Variants in ABCG4 observed in about 807,000 individuals in gnomAD.
ABCG4 encodes ATP-binding cassette sub-family G member 4.
In ABCG4, 35 loss-of-function variants were observed where a neutral mutation model predicts 64.6. That is an observed-to-expected ratio of 0.54 (90% CI 0.41 to 0.72). The LOEUF (loss-of-function observed/expected upper bound fraction) is 0.72, where lower values mean the gene tolerates loss of function less well. Ranked by LOEUF, ABCG4 falls within the 30% of genes least tolerant of loss-of-function variation. ABCG4 has a pLI of 0.00. For synonymous variants in ABCG4, 326 were observed against 348.2 expected, an observed-to-expected ratio of 0.94 and a Z score of 0.71; for missense variants, 610 against 846.3, an observed-to-expected ratio of 0.72 and a Z score of 3.46.
At position 119,160,782 on chromosome 11, in the gene ABCG4, C is replaced by T; in HGVS notation, c.1716-99C>T. The T allele has an allele frequency of 1.3e-6, 2 of 1,487,806 alleles. No individual in the cohort carries two copies. The highest frequency in any genetic ancestry group is 2.4e-5 in the South Asian group (2 of 84,434). 92.2% of individuals were successfully genotyped at this position (1,487,806 alleles called of 1,614,324 possible). On this transcript the variant is annotated intron_variant, in intron 14 of 14. Transcript: ENST00000619701. This position sits in a 1 kb window ranked among gnomAD's most constrained non-coding sequence, Gnocchi z 4.6. ...CCTTTGGGCAGGGGCACCCTGGCTG[C>T]ACCCCAGGGATGACAGCATTGCAGC...
chr11:119,155,466 C>T lies in ABCG4; in HGVS notation c.686+551C>T, dbSNP rs572735767. On this transcript the variant is annotated intron_variant, in intron 6 of 14. Coordinates refer to ENST00000619701, the MANE Select transcript of ABCG4 (RefSeq NM_022169.5). The surrounding 1 kb of genome is among the most constrained non-coding windows in gnomAD (Gnocchi z 4.5). Reference sequence around the variant, plus strand: ...CCTCTTGAGTAGCTGGAATTACAGGCGTGTACCACCACACCCAGCTAGTTT... The same window carrying T: ...CCTCTTGAGTAGCTGGAATTACAGGTGTGTACCACCACACCCAGCTAGTTT... Among the ~76,000 whole-genome samples, 2 of 152,160 alleles carry T rather than the reference C, an allele frequency of 1.3e-5. No homozygotes were observed. Among genetic ancestry groups the T allele is most frequent in the African/African-American group, 2.4e-5 (1 of 41,448 alleles).
Position 119,161,086 on chromosome 11 carries a change from C to T in ABCG4, c.1921C>T (p.Arg641Trp), listed in dbSNP as rs1211180265. 14 of 1,613,626 alleles carry T rather than the reference C, an allele frequency of 8.7e-6. No individual in the cohort carries two copies. In the East Asian group the frequency reaches 8.9e-5, roughly 10 times the overall value. Residue 641 changes from arginine to tryptophan, a missense_variant, in exon 15 of 15, where the codon CGG becomes TGG. By Grantham distance (101) the Arg-to-Trp change is moderately radical (BLOSUM62 -3). Coordinates refer to ENST00000619701, the MANE Select transcript of ABCG4 (RefSeq NM_022169.5). The stretch of plus-strand genomic sequence containing the variant: ...GCTGGCCTACCTTGTGCTGCGTTAC[C>T]GGGTCAAGTCAGAGAGATAGAGGCT... ...RLLAYLVLRY[R>W]VKSER is the part of the protein sequence containing the mutation.
chr11:119,160,273 G>C lies in ABCG4; in HGVS notation c.1484G>C (p.Gly495Ala). The change falls in exon 13 of 15, where the codon GGC (glycine) becomes GCC (alanine). Residue 495 changes from glycine to alanine, a missense_variant. Physicochemically the swap from Gly to Ala is moderately conservative, Grantham distance 60 (BLOSUM62 0). Coordinates refer to ENST00000619701, the MANE Select transcript of ABCG4 (RefSeq NM_022169.5). This position sits in a 1 kb window ranked among gnomAD's most constrained non-coding sequence, Gnocchi z 4.6. ...VYCSIVYWMT[G>A]QPAETSRFLL... ...TGCAGCATTGTGTACTGGATGACGG[G>C]CCAGCCCGCTGAGACCAGCCGCTTC... The C allele has an allele frequency of 6.2e-7, 1 of 1,613,668 alleles. No homozygotes were observed. The highest frequency in any genetic ancestry group is 8.5e-7 in the Non-Finnish European group (1 of 1,179,776).
rs1592309973 is a variant in ABCG4 at position 119,160,820 on chromosome 11, G to A, written c.1716-61G>A. On this transcript the variant is annotated intron_variant, in intron 14 of 14. Transcript: ENST00000619701. This position sits in a 1 kb window ranked among gnomAD's most constrained non-coding sequence, Gnocchi z 4.6. ...ACAGCATTGCAGCTGGGCTCTGGCA[G>A]TTTTCTCAGAGAGCAGGGACCCTGT... 1 of 1,566,852 alleles carries A rather than the reference G, an allele frequency of 6.4e-7. No homozygotes were observed. The highest frequency in any genetic ancestry group is 8.7e-7 in the Non-Finnish European group (1 of 1,144,328).
At position 119,156,804 on chromosome 11, in the gene ABCG4, G is replaced by A; in HGVS notation, c.926-68G>A. 1 of 1,591,630 alleles carries A rather than the reference G, an allele frequency of 6.3e-7. No homozygotes were observed. Among genetic ancestry groups the A allele is most frequent in the Non-Finnish European group, 8.6e-7 (1 of 1,165,212 alleles). Reference sequence around the variant, plus strand: ...TCGCCTGCCTTCCCCACACACCCAAGGCGGGACTGACTTGCCCTTGGGAAG... The same window carrying A: ...TCGCCTGCCTTCCCCACACACCCAAAGCGGGACTGACTTGCCCTTGGGAAG... On this transcript the variant is annotated intron_variant, in intron 8 of 14. Transcript: ENST00000619701. This position sits in a 1 kb window ranked among gnomAD's most constrained non-coding sequence, Gnocchi z 5.5.
Position 119,155,995 on chromosome 11 carries a change from C to G in ABCG4, c.687-334C>G. The G allele has an allele frequency of 1.1e-5, 3 of 285,126 alleles. 1 individual carries two copies. The highest frequency in any genetic ancestry group is 1.4e-5 in the Non-Finnish European group (2 of 146,600). The allele number at this position is 285,126 out of a possible 1,614,324, so 17.7% of individuals were successfully genotyped here. A position where few individuals can be genotyped will look rare whatever the true frequency, so the allele number is the denominator to read the frequency against. On this transcript the variant is annotated intron_variant, in intron 6 of 14. Coordinates refer to ENST00000619701, the MANE Select transcript of ABCG4 (RefSeq NM_022169.5). The surrounding 1 kb of genome is among the most constrained non-coding windows in gnomAD (Gnocchi z 4.5). ...GAGCTGAATCCGCCCCCTCTTTCAC[C>G]CAGTGTTGCTACAGCACTTTCCACA...
rs1948170980 is a variant in ABCG4, at chr11:119,149,984, G to C, written c.19G>C (p.Glu7Gln). ...CGGCGTGATGGCGGAGAAGGCGCTG[G>C]AGGCCGTGGGCTGTGGACTAGGGCC... is the stretch of plus-strand genomic sequence containing the variant. MAEKAL[E>Q]AVGCGLGPGA... The change falls in exon 2 of 15, where the codon GAG becomes CAG. Residue 7 changes from glutamate (E) to glutamine (Q), a missense_variant. Coordinates refer to ENST00000619701, the MANE Select transcript of ABCG4 (RefSeq NM_022169.5). This position sits in a 1 kb window ranked among gnomAD's most constrained non-coding sequence, Gnocchi z 8.3. The C allele has an allele frequency of 6.2e-7, 1 of 1,608,402 alleles. No individual in the cohort carries two copies. Among genetic ancestry groups the C allele is most frequent in the Non-Finnish European group, 8.5e-7 (1 of 1,179,776 alleles).
rs1282518126 is a variant in ABCG4 at position 119,158,153 on chromosome 11, G to A, written c.1069-81G>A. On this transcript the variant is annotated intron_variant, in intron 9 of 14. Coordinates refer to ENST00000619701, the MANE Select transcript of ABCG4 (RefSeq NM_022169.5). This position sits in a 1 kb window ranked among gnomAD's most constrained non-coding sequence, Gnocchi z 4.5. ...CCCCTACCCTGGGGAAGAGCTCTGA[G>A]GTTTTTCATTCACTGAGCTGGGTGT... The A allele has an allele frequency of 1.7e-6, 2 of 1,182,406 alleles. No homozygotes were observed. The highest frequency in any genetic ancestry group is 3.1e-5 in the African/African-American group (2 of 65,038). 73.2% of individuals were successfully genotyped at this position (1,182,406 alleles called of 1,614,324 possible).
In ABCG4 at chr11:119,158,331, C is replaced by A; in HGVS notation, c.1166C>A (p.Thr389Lys). ...KRTFLSILRDTVLTHLRFMSH... is the reference protein window; with the variant it reads ...KRTFLSILRDKVLTHLRFMSH... ...ACCTTCCTGTCCATCCTCAGGGACA[C>A]GGTGAGGCGTCAGGCTGGGGGAGAG... Residue 389 changes from threonine to lysine, a missense_variant and splice_region_variant, in exon 10 of 15, where the codon ACG becomes AAG. Coordinates refer to ENST00000619701, the MANE Select transcript of ABCG4 (RefSeq NM_022169.5). This position sits in a 1 kb window ranked among gnomAD's most constrained non-coding sequence, Gnocchi z 4.5. 1 of 1,613,896 alleles carries A rather than the reference C, an allele frequency of 6.2e-7. No homozygotes were observed.
intron 2 of ABCG4, chr11:119,153,535 CCCCCAAGGAG>C (rs1278157296): frequency 1.2e-5 from 2 of 161,800 alleles, no homozygotes; most frequent in Non-Finnish European, 2.7e-5. Context: ...GTGAGAACTG[CCCCCAAGGAG>C]CTCACTGACT....
rs1479926357 is a variant in ABCG4, at chr11:119,160,926, A to G, written c.1761A>G (p.Arg587=). The change falls in exon 15 of 15, where the codon CGA becomes CGG. Residue 587 remains arginine, a synonymous_variant. Transcript: ENST00000619701. The surrounding 1 kb of genome is among the most constrained non-coding windows in gnomAD (Gnocchi z 4.6). Reference sequence around the variant, plus strand: ...TCCTGACGATCTATGGCATGGAGCGAGGAGACCTGACATGTTTAGAGGAAC... The same window carrying G: ...TCCTGACGATCTATGGCATGGAGCGGGGAGACCTGACATGTTTAGAGGAAC... ...GVILTIYGME[R]GDLTCLEERC... is the part of the protein sequence containing the mutation. 1 of 1,613,948 alleles carries G rather than the reference A, an allele frequency of 6.2e-7. No homozygotes were observed. Among genetic ancestry groups the G allele is most frequent in the South Asian group, 1.1e-5 (1 of 91,088 alleles).
In ABCG4 at chr11:119,150,221, AG is replaced by A. The variant is rs775769925; in HGVS notation, c.238+23del. ...CAAAAGGGGTAGGGAACAGCCTGGT[AG>A]GGGGAGTCCGTGGGCCCTCTCTGAG... is the stretch of plus-strand genomic sequence containing the variant. On this transcript the variant is annotated intron_variant, in intron 2 of 14. Transcript: ENST00000619701. This position sits in a 1 kb window ranked among gnomAD's most constrained non-coding sequence, Gnocchi z 4.3. The A allele has an allele frequency of 6.2e-7, 1 of 1,606,134 alleles. No individual in the cohort carries two copies. Among genetic ancestry groups the A allele is most frequent in the African/African-American group, 1.3e-5 (1 of 74,902 alleles).
rs202066840 is a variant in ABCG4, at chr11:119,158,356, G to A, written c.1167+24G>A. On this transcript the variant is annotated intron_variant, in intron 10 of 14. Coordinates refer to ENST00000619701, the MANE Select transcript of ABCG4 (RefSeq NM_022169.5). The surrounding 1 kb of genome is among the most constrained non-coding windows in gnomAD (Gnocchi z 4.5). ...CGGTGAGGCGTCAGGCTGGGGGAGAGGAGGCTGGCACAGGCCTGACCTTTT... is the reference window on the plus strand; with the variant it reads ...CGGTGAGGCGTCAGGCTGGGGGAGAAGAGGCTGGCACAGGCCTGACCTTTT... 435 of 1,611,582 alleles carry A rather than the reference G, an allele frequency of 2.7e-4. 2 individuals are homozygous for A. The highest frequency in any genetic ancestry group is 3.5e-4 in the Non-Finnish European group (418 of 1,177,892).
At chr11:119,157,909 A>G (rs1948288430) in intron 9 of ABCG4, among the ~76,000 whole-genome samples, 1 of 152,202 alleles carries the variant, frequency 6.6e-6, no homozygotes, top group African/African-American at 2.4e-5. Flanking sequence ...AAACAAAACA[A>G]AAAAGGAATT....
At position 119,150,004 on chromosome 11, in the gene ABCG4, A is replaced by G. The variant is rs775402112; in HGVS notation, c.39A>G (p.Leu13=). ...EKALEAVGCG[L]GPGAVAMAVT... ...CGCTGGAGGCCGTGGGCTGTGGACT[A>G]GGGCCGGGGGCTGTGGCCATGGCCG... Residue 13 remains leucine (L), a synonymous_variant, in exon 2 of 15, where the codon CTA becomes CTG. Transcript: ENST00000619701. The surrounding 1 kb of genome is among the most constrained non-coding windows in gnomAD (Gnocchi z 4.3). The G allele has an allele frequency of 1.9e-6, 3 of 1,610,856 alleles. No individual in the cohort carries two copies. The highest frequency in any genetic ancestry group is 1.7e-4 in the Middle Eastern group (1 of 5,994).
chr11:119,150,630 C>G lies in ABCG4; in HGVS notation c.238+427C>G, dbSNP rs193197911. Among the ~76,000 whole-genome samples the G allele has an allele frequency of 6.5e-4, 99 of 152,284 alleles. 1 individual carries two copies. In the East Asian group the frequency reaches 0.012, roughly 19 times the overall value. On this transcript the variant is annotated intron_variant, in intron 2 of 14. Transcript: ENST00000619701. This position sits in a 1 kb window ranked among gnomAD's most constrained non-coding sequence, Gnocchi z 4.3. ...TTCCTGTCATCTTATTCCATTCTTACCACAGTGCTCAGAAGCAGGGAGGGT... is the reference window on the plus strand; with the variant it reads ...TTCCTGTCATCTTATTCCATTCTTAGCACAGTGCTCAGAAGCAGGGAGGGT...
intron 9 of ABCG4, among the ~76,000 whole-genome samples, chr11:119,157,781 G>A (rs1288259675): frequency 2.6e-5 from 4 of 152,196 alleles, no homozygotes; most frequent in African/African-American, 9.7e-5. Flanking sequence ...CAGGAGAATG[G>A]CGTGAACCAG....
chr11:119,159,006 A>C, intron 12 of ABCG4, 77 bp downstream of exon 12: 1 of 1,408,954 alleles, frequency 7.1e-7, no homozygotes, highest in Non-Finnish European at 1.0e-6. Context: ...TGCCTCCCTC[A>C]AACTTGTCAC....
intron 2 of ABCG4, chr11:119,152,798 C>A (rs1290867186): frequency 3.3e-5 from 5 of 152,238 alleles, no homozygotes; most frequent in African/African-American, 1.2e-4. Context: ...TCCTTCAAGG[C>A]TTAGCTCAAA....
Sources: allele counts gnomAD v4.1 joint callset (sites outside exome capture counted in the v4.1 genomes callset), GRCh38; gene constraint gnomAD v4.1.1; non-coding constraint Gnocchi (gnomAD v3.1); transcripts MANE v1.5; gene names NCBI Gene and HGNC (gene_info 2026-07-23, HGNC 2026-07-21).